Variants in NRXN3 observed in about 807,000 individuals in gnomAD.
The protein encoded by NRXN3 is neurexin 3.
A neutral mutation model predicts 137.6 loss-of-function variants in NRXN3; 32 were observed. The ratio of observed to expected loss-of-function variants is 0.23; its 90% CI spans 0.18 to 0.31. The LOEUF (loss-of-function observed/expected upper bound fraction) is 0.31. NRXN3 is among the 10% of genes least tolerant of loss of function. The pLI is 1.00. For synonymous variants in NRXN3, 798 were observed against 784.5 expected (o/e 1.02, Z -0.29); for missense variants, 1,574 against 2,062.5 (o/e 0.76, Z 4.59).
At chr14:78,916,154 G>A (rs2099254848) in intron 10 of NRXN3, among the ~76,000 whole-genome samples, 1 of 152,044 alleles carries the variant, frequency 6.6e-6, no homozygotes, top group Non-Finnish European at 1.5e-5. Flanking sequence ...AACTGGGACT[G>A]TTTTTATCAC....
At chr14:79,497,410 T>C (rs1042149245) in intron 16 of NRXN3, among the ~76,000 whole-genome samples, 2 of 152,116 alleles carry the variant, frequency 1.3e-5, no homozygotes, top group Non-Finnish European at 2.9e-5. Flanking sequence ...TTCCACTCAA[T>C]CCTTTCCCAC....
At chr14:78,830,080 A>AT (rs1596304439) in intron 10 of NRXN3, among the ~76,000 whole-genome samples, 2 of 152,194 alleles carry the variant, frequency 1.3e-5, no homozygotes, top group South Asian at 4.1e-4. Context: ...TATATCATGG[A>AT]TTTTTTAAAA....
At chr14:79,082,549 A>C (rs1003963453) in intron 15 of NRXN3, among the ~76,000 whole-genome samples, 1 of 152,110 alleles carries the variant, frequency 6.6e-6, no homozygotes, top group African/African-American at 2.4e-5. Flanking sequence ...GAAATTTAGA[A>C]CTAAAAGAGA....
chr14:79,821,336 G>C lies in NRXN3; in HGVS notation c.4093+16146G>C, dbSNP rs572945259. On this transcript the variant is annotated intron_variant, in intron 20 of 20. Coordinates refer to ENST00000335750, the MANE Select transcript of NRXN3 (RefSeq NM_001330195.2). ...CAAGGGAAAACACTCTGTCCCCAGG[G>C]GCCAGCTGCATAACATGAATAGATG... Among the ~76,000 whole-genome samples, 13 of 152,150 alleles carry C rather than the reference G, an allele frequency of 8.5e-5. No homozygotes were observed. The South Asian group carries it at 1.7e-3, about 19-fold the overall frequency.
chr14:79,208,215 A>G (rs2067085556), intron 15 of NRXN3, among the ~76,000 whole-genome samples: 1 of 152,188 alleles, frequency 6.6e-6, no homozygotes, highest in African/African-American at 2.4e-5. Context: ...AGACAAAGCT[A>G]ACTCTCTGGT....
chr14:78,588,359 A>G (rs1336609858), intron 4 of NRXN3, among the ~76,000 whole-genome samples: 1 of 152,222 alleles, frequency 6.6e-6, no homozygotes, highest in Admixed American at 6.5e-5. Flanking sequence ...ACAGTTTGTA[A>G]CTGATATCAT....
intron 15 of NRXN3, among the ~76,000 whole-genome samples, chr14:79,324,325 C>A (rs1003101574): frequency 6.6e-6 from 1 of 152,150 alleles, no homozygotes; most frequent in Non-Finnish European, 1.5e-5. Flanking sequence ...TACACACAGA[C>A]TTTTACACTC....
intron 10 of NRXN3, among the ~76,000 whole-genome samples, chr14:78,944,781 C>T (rs1023044140): frequency 6.6e-6 from 1 of 152,142 alleles, no homozygotes; most frequent in Non-Finnish European, 1.5e-5. Flanking sequence ...TTGAAAGCTA[C>T]TAAGTTTGTG....
At chr14:78,867,448 T>C (rs2099089926) in intron 10 of NRXN3, among the ~76,000 whole-genome samples, 4 of 152,150 alleles carry the variant, frequency 2.6e-5, no homozygotes. Context: ...TCACAGCAAT[T>C]GTTTAATTTT....
At position 79,863,795 on chromosome 14, in the gene NRXN3, C is replaced by T. The variant is rs981824636; in HGVS notation, c.*1831C>T. ...TGTGTCCTCTGGAGGGTCAGATATA[C>T]AATTTCTTTTGTACAGATGAAAATC... On this transcript the variant is annotated 3_prime_UTR_variant, in exon 21 of 21. Coordinates refer to ENST00000335750, the MANE Select transcript of NRXN3 (RefSeq NM_001330195.2). 1 of 152,558 alleles carries T rather than the reference C, an allele frequency of 6.6e-6. No homozygotes were observed. Among genetic ancestry groups the T allele is most frequent in the Non-Finnish European group, 1.5e-5 (1 of 68,022 alleles). 9.5% of individuals were successfully genotyped at this position (152,558 alleles called of 1,614,324 possible). A position where few individuals can be genotyped will look rare whatever the true frequency, so the allele number is the denominator to read the frequency against.
At chr14:79,472,602 T>C (rs574638550) in intron 16 of NRXN3, among the ~76,000 whole-genome samples, 6 of 152,294 alleles carry the variant, frequency 3.9e-5, no homozygotes, top group Non-Finnish European at 7.4e-5. Flanking sequence ...GAGGGTGTCT[T>C]AGGGTAGAGG....
At chr14:79,028,794 A>G (rs1213040592) in intron 15 of NRXN3, among the ~76,000 whole-genome samples, 2 of 152,154 alleles carry the variant, frequency 1.3e-5, no homozygotes, top group East Asian at 3.9e-4. Context: ...GAATTAATCC[A>G]TTGATCCACG....
chr14:79,381,957 T>A (rs1367157324), intron 15 of NRXN3, among the ~76,000 whole-genome samples: 1 of 152,154 alleles, frequency 6.6e-6, no homozygotes, highest in Non-Finnish European at 1.5e-5. Flanking sequence ...ATATTAACAC[T>A]CCTTGTACTC....
intron 15 of NRXN3, among the ~76,000 whole-genome samples, chr14:79,152,972 T>C (rs568912006): frequency 1.3e-5 from 2 of 151,976 alleles, no homozygotes; most frequent in African/African-American, 2.4e-5. Context: ...TAAACCATTT[T>C]TCACTTCCCT....
At chr14:79,633,324 C>T (rs1169941247) in intron 16 of NRXN3, 1 of 152,152 alleles carries the variant, frequency 6.6e-6, no homozygotes, top group African/African-American at 2.4e-5. Context: ...GCAGACTTCC[C>T]TATGAGCTGT....
At chr14:78,567,674 G>T (rs1429868578) in intron 4 of NRXN3, among the ~76,000 whole-genome samples, 1 of 152,198 alleles carries the variant, frequency 6.6e-6, no homozygotes, top group East Asian at 1.9e-4. Context: ...ATCGAGTGGG[G>T]TTTAAATGGC....
intron 4 of NRXN3, among the ~76,000 whole-genome samples, chr14:78,486,915 TCTG>T (rs1439939273): frequency 6.6e-6 from 1 of 152,188 alleles, no homozygotes. Context: ...GTAAAGGACT[TCTG>T]TGTGCAGACC....
At chr14:78,924,769 A>G (rs1456191680) in intron 10 of NRXN3, among the ~76,000 whole-genome samples, 3 of 152,222 alleles carry the variant, frequency 2.0e-5, no homozygotes, top group African/African-American at 4.8e-5. Flanking sequence ...TGTAATTTCT[A>G]GAAGTGAAAT....
At chr14:79,191,652 T>G (rs962381595) in intron 15 of NRXN3, among the ~76,000 whole-genome samples, 9 of 152,176 alleles carry the variant, frequency 5.9e-5, no homozygotes, top group Non-Finnish European at 1.0e-4. Context: ...ATTAATAGCT[T>G]TCTATTTGCC....
Sources: gnomAD v4.1 joint callset for allele counts (sites outside exome capture counted in the v4.1 genomes callset) on GRCh38, gnomAD v4.1.1 for gene constraint, MANE v1.5 for transcripts, NCBI Gene and HGNC (gene_info 2026-07-23, HGNC 2026-07-21) for gene names.